The following MREG variants were observed in gnomAD, a reference collection of about 807,000 sequenced individuals.
MREG encodes melanoregulin, also known as dilute suppressor protein homolog.
A neutral mutation model predicts 28.5 loss-of-function variants in MREG; 31 were observed. The observed-to-expected ratio is 1.09, with a 90% CI of 0.82 to 1.47. The LOEUF is 1.47. Ranked by LOEUF, MREG falls within the 40% of genes most tolerant of loss-of-function variation. The pLI is 0.00. For missense variants in MREG, 256 were observed against 257.4 expected (o/e 0.99, Z 0.04); for synonymous variants, 106 against 95.2 (o/e 1.11, Z -0.66).
At chr2:216,007,944 G>T (rs1263638756) in intron 1 of MREG, among the ~76,000 whole-genome samples, 2 of 152,194 alleles carry the variant, frequency 1.3e-5, no homozygotes, top group Non-Finnish European at 2.9e-5. Context: ...CATAAAAAAA[G>T]TTATGCATTG....
chr2:215,994,608 GAGGAAGAAGAAGA>G (rs1693811665), intron 2 of MREG, among the ~76,000 whole-genome samples: 1 of 103,688 alleles, frequency 9.6e-6, no homozygotes, highest in African/African-American at 2.7e-5. Context: ...AGGAGAAGAA[GAGGAAGAAGAAGA>G]GAAGAAGGAG....
At chr2:215,968,537 C>G (rs1474701027) in intron 2 of MREG, among the ~76,000 whole-genome samples, 1 of 152,094 alleles carries the variant, frequency 6.6e-6, no homozygotes, top group Admixed American at 6.5e-5. Flanking sequence ...CATCTACTAT[C>G]TCTTAGCACC....
intron 2 of MREG, among the ~76,000 whole-genome samples, chr2:215,954,149 G>T (rs181454741): frequency 3.0e-4 from 46 of 152,298 alleles, no homozygotes; most frequent in African/African-American, 9.6e-4. Context: ...GAAAGAGGTG[G>T]CTTACATCTA....
chr2:216,030,938 TCTCTCTCTCTCTCTCTCTCACACA>T (rs1694674218), intron 1 of MREG, among the ~76,000 whole-genome samples: 6 of 50,986 alleles, frequency 1.2e-4, no homozygotes, highest in African/African-American at 2.3e-4. Flanking sequence ...TCTCTCTCTC[TCTCTCTCTCTCTCTCTCTCACACA>T]CACACACACA....
In MREG at chr2:215,984,423, CAGA is replaced by C. The variant is rs543678600; in HGVS notation, c.255+11880_255+11882del. Reference sequence around the variant, plus strand: ...AATCCAATGCTTTGGGAGGCCAAGGCAGAAGAATTGCTGGAGCCCAGGAGGTCG... The same window carrying C: ...AATCCAATGCTTTGGGAGGCCAAGGCAGAATTGCTGGAGCCCAGGAGGTCG... On this transcript the variant is annotated intron_variant, in intron 2 of 4. Transcript: ENST00000263268. Among the ~76,000 whole-genome samples the C allele has an allele frequency of 6.6e-4, 94 of 143,430 alleles. 1 individual carries two copies. Among genetic ancestry groups the C allele is most frequent in the African/African-American group, 2.4e-3 (92 of 38,068 alleles). The allele number at this position is 143,430 out of a possible 152,430, so 94.1% of individuals were successfully genotyped here. A position where few individuals can be genotyped will look rare whatever the true frequency, so the allele number is the denominator to read the frequency against.
chr2:216,011,092 T>G (rs1457139461), intron 1 of MREG, among the ~76,000 whole-genome samples: 1 of 108,078 alleles, frequency 9.3e-6, no homozygotes, highest in African/African-American at 4.0e-5. Context: ...CAAGACTCCG[T>G]CTCAAAAAAA....
intron 1 of MREG, among the ~76,000 whole-genome samples, chr2:216,008,138 A>G (rs1026079884): frequency 1.3e-5 from 2 of 152,050 alleles, no homozygotes; most frequent in African/African-American, 2.4e-5. Context: ...ATTAACAGAT[A>G]TAGAAGAAAT....
Position 215,943,107 on chromosome 2 carries a change from A to T in MREG, c.*1756T>A, listed in dbSNP as rs1692224525. 5.8e-6 allele frequency: 1 copy of T among 172,624 alleles called. No individual in the cohort carries two copies. The allele number at this position is 172,624 out of a possible 1,614,324, so 10.7% of individuals were successfully genotyped here. ...TGGTATATAAAAATTTTCAAGTCACAGTCCTCTAAGCAGACTAAATACAAG... is the reference window on the plus strand; with the variant it reads ...TGGTATATAAAAATTTTCAAGTCACTGTCCTCTAAGCAGACTAAATACAAG... On this transcript the variant is annotated 3_prime_UTR_variant, in exon 5 of 5. Coordinates refer to ENST00000263268, the MANE Select transcript of MREG (RefSeq NM_018000.3).
downstream of MREG, among the ~76,000 whole-genome samples, chr2:215,940,439 C>G (rs1262111507): frequency 6.6e-6 from 1 of 152,194 alleles, no homozygotes; most frequent in Non-Finnish European, 1.5e-5. Context: ...GCCATGATCC[C>G]TCTCTGGGCA....
At chr2:215,961,543 A>G (rs1222462467) in intron 2 of MREG, among the ~76,000 whole-genome samples, 1 of 152,046 alleles carries the variant, frequency 6.6e-6, no homozygotes, top group Non-Finnish European at 1.5e-5. Context: ...CGCCTGCCTC[A>G]GCCTCCCTAG....
intron 1 of MREG, among the ~76,000 whole-genome samples, chr2:215,998,592 A>G (rs559793745): frequency 6.6e-6 from 1 of 152,330 alleles, no homozygotes; most frequent in East Asian, 1.9e-4. Flanking sequence ...CAGGCACACT[A>G]TGCTCAGAAC....
At chr2:215,983,274 G>A (rs1364668463) in intron 2 of MREG, among the ~76,000 whole-genome samples, 2 of 152,274 alleles carry the variant, frequency 1.3e-5, no homozygotes, top group South Asian at 2.1e-4. Flanking sequence ...CCAATTCTTG[G>A]GGACATATTG....
At chr2:216,025,643 A>G (rs953380131) in intron 1 of MREG, among the ~76,000 whole-genome samples, 10 of 152,226 alleles carry the variant, frequency 6.6e-5, no homozygotes, top group African/African-American at 2.2e-4. Context: ...GATGAGGCCT[A>G]CCTGGGAAAG....
intron 2 of MREG, among the ~76,000 whole-genome samples, chr2:215,957,919 C>T (rs964570784): frequency 7.2e-5 from 11 of 152,152 alleles, no homozygotes; most frequent in East Asian, 5.8e-4. Context: ...TGGAATACTA[C>T]GCAGCCATAA....
chr2:215,999,348 G>T (rs1006740685), intron 1 of MREG, among the ~76,000 whole-genome samples: 7 of 152,182 alleles, frequency 4.6e-5, no homozygotes, highest in Non-Finnish European at 1.0e-4. Context: ...TTAGGAGGGT[G>T]TCACAATCAA....
chr2:215,977,300 TA>T (rs1219303551), intron 2 of MREG, among the ~76,000 whole-genome samples: 3 of 152,058 alleles, frequency 2.0e-5, no homozygotes, highest in Non-Finnish European at 4.4e-5. Flanking sequence ...TACATAATGG[TA>T]AAGGGATCTA....
upstream of MREG, among the ~76,000 whole-genome samples, chr2:216,016,895 T>C (rs1304048976): frequency 6.6e-6 from 1 of 152,218 alleles, no homozygotes; most frequent in Non-Finnish European, 1.5e-5. Context: ...CATCAAATGT[T>C]TGCCAACTGT....
intron 2 of MREG, among the ~76,000 whole-genome samples, chr2:215,963,220 A>G (rs2372678): frequency 0.88 from 134,399 of 152,174 alleles, 59,432 homozygotes; most frequent in Non-Finnish European, 0.91. Flanking sequence ...AGCACTGTGG[A>G]AGGCCGAGGC....
intron 2 of MREG, among the ~76,000 whole-genome samples, chr2:215,995,000 A>C (rs1409573865): frequency 2.6e-5 from 4 of 152,254 alleles, no homozygotes; most frequent in Non-Finnish European, 5.9e-5. Flanking sequence ...TCTCACCAGC[A>C]GAAACCTTAA....
Sources: allele counts gnomAD v4.1 joint callset (sites outside exome capture counted in the v4.1 genomes callset), GRCh38; gene constraint gnomAD v4.1.1; transcripts MANE v1.5; gene names NCBI Gene and HGNC (gene_info 2026-07-23, HGNC 2026-07-21).